Variants in BCOR observed in about 807,000 individuals in gnomAD.
BCOR encodes BCL-6 corepressor.
BCOR carries 10 observed loss-of-function variants against 86.7 expected under a neutral mutation model. The ratio of observed to expected loss-of-function variants is 0.12; its 90% CI spans 0.07 to 0.20. BCOR has a LOEUF of 0.20. Ranked by LOEUF, BCOR falls within the 10% of genes least tolerant of loss-of-function variation. The pLI, the probability that BCOR is intolerant of heterozygous loss-of-function variation, is 1.00. For missense variants in BCOR, 1,259 were observed against 1,452.1 expected (o/e 0.87, Z 2.16); for synonymous variants, 611 against 609.0 (o/e 1.00, Z -0.05).
chrX:40,097,806 G>A lies in BCOR; in HGVS notation c.-632C>T, dbSNP rs1257360175. On this transcript the variant is annotated 5_prime_UTR_variant, in exon 1 of 15. Coordinates refer to ENST00000378444, the MANE Select transcript of BCOR (RefSeq NM_001123385.2). The stretch of plus-strand genomic sequence containing the variant: ...TGGGCTCTCCGCCCGGCGGCTCGCG[G>A]GCTCCCCCTCCGCCGCCGCCGCCCG... Among the ~76,000 whole-genome samples, 2 of 109,547 alleles carry A rather than the reference G, an allele frequency of 1.8e-5. No homozygotes were observed. The highest frequency in any genetic ancestry group is 6.6e-5 in the African/African-American group (2 of 30,341).
rs1258593967 is a variant in BCOR at position 40,064,382 on chromosome X, C to A, written c.3456G>T (p.Val1152=). The A allele has an allele frequency of 8.2e-7, 1 of 1,212,351 alleles. No homozygotes were observed. The highest frequency in any genetic ancestry group is 1.8e-5 in the South Asian group (1 of 57,051). The change falls in exon 7 of 15, where the codon GTG becomes GTT. Residue 1152 remains valine, a synonymous_variant. Transcript: ENST00000378444. The part of the protein sequence containing the change: ...SSHTETTAEE[V]PEDPLLKAKR... Reference sequence around the variant, plus strand: ...TGGCTTTCAGCAGAGGGTCCTCTGGCACCTCCTCCGCAGTGGTCTCAGTGT... The same window carrying A: ...TGGCTTTCAGCAGAGGGTCCTCTGGAACCTCCTCCGCAGTGGTCTCAGTGT...
chrX:40,145,527 C>A (rs1240323586), intron 1 of BCOR, among the ~76,000 whole-genome samples: 1 of 111,111 alleles, frequency 9.0e-6, no homozygotes, highest in Non-Finnish European at 1.9e-5. Flanking sequence ...CCGTTCAGGT[C>A]CACGTGTGAC....
intron 1 of BCOR, among the ~76,000 whole-genome samples, chrX:40,110,009 C>T (rs1937274084): frequency 8.9e-6 from 1 of 112,251 alleles, no homozygotes; most frequent in African/African-American, 3.2e-5. Flanking sequence ...TTTGTGTGTT[C>T]TCTCTCTCTT....
chrX:40,052,170 A>G lies in BCOR; in HGVS notation c.5207T>C (p.Leu1736Pro). The G allele has an allele frequency of 8.3e-7, 1 of 1,209,239 alleles. No homozygotes were observed. Among genetic ancestry groups the G allele is most frequent in the Non-Finnish European group, 1.1e-6 (1 of 894,094 alleles). The change falls in exon 15 of 15, where the codon CTG (leucine) becomes CCG (proline). Residue 1736 changes from leucine to proline, a missense_variant. This residue lies in a region of BCOR where 137 missense variants were observed against 149.8 expected (regional missense o/e 0.91). Coordinates refer to ENST00000378444, the MANE Select transcript of BCOR (RefSeq NM_001123385.2). ...LVEFTNEIQT[L>P]LGSSVEWLHP... ...GAGCCACTCTACAGAGGAGCCCAGC[A>G]GAGTCTGAATTTCGTTCGTGAATTC... is the stretch of plus-strand genomic sequence containing the variant.
At chrX:40,116,244 T>A (rs1390098973) in intron 1 of BCOR, among the ~76,000 whole-genome samples, 1 of 112,140 alleles carries the variant, frequency 8.9e-6, no homozygotes, top group African/African-American at 3.2e-5. Flanking sequence ...ACGCCTGTAA[T>A]CCCAGTGCTT....
chrX:40,102,563 G>A (rs1161894342), upstream of BCOR, among the ~76,000 whole-genome samples: 1 of 113,972 alleles, frequency 8.8e-6, no homozygotes, highest in Non-Finnish European at 1.9e-5. Flanking sequence ...TTACCCGGCT[G>A]GGGGCAGTGA....
At chrX:40,064,212 G>T in intron 7 of BCOR, 124 bp downstream of exon 7, 1 of 1,040,625 alleles carries the variant, frequency 9.6e-7, no homozygotes, top group Non-Finnish European at 1.3e-6. Context: ...GCGCCCCCAC[G>T]GCTTCCCCTC....
chrX:40,079,296 T>A (rs892308673), intron 1 of BCOR, among the ~76,000 whole-genome samples: 2 of 112,402 alleles, frequency 1.8e-5, no homozygotes, highest in African/African-American at 6.5e-5. Flanking sequence ...TGCAAATGCT[T>A]GCTTTTACAC....
At position 40,113,256 on chromosome X, in the gene BCOR, G is replaced by A. The variant is rs555838997; in HGVS notation, c.-40-35287C>T. Reference sequence around the variant, plus strand: ...GACCTCATCTCCACTTAAAAAAAAAGAGTAGTCAAGTGTGGTGGTGCACGC... The same window carrying A: ...GACCTCATCTCCACTTAAAAAAAAAAAGTAGTCAAGTGTGGTGGTGCACGC... On this transcript the variant is annotated intron_variant, in intron 1 of 14. Coordinates refer to the BCOR transcript ENST00000342274. Among the ~76,000 whole-genome samples, 3 of 106,200 alleles carry A rather than the reference G, an allele frequency of 2.8e-5. No homozygotes were observed. In the South Asian group the frequency reaches 1.3e-3, roughly 45 times the overall value. 92.2% of individuals were successfully genotyped at this position (106,200 alleles called of 115,157 possible). A position where few individuals can be genotyped will look rare whatever the true frequency, so the allele number is the denominator to read the frequency against.
chrX:40,104,726 T>G (rs918626910), intron 1 of BCOR, among the ~76,000 whole-genome samples: 1 of 112,913 alleles, frequency 8.9e-6, no homozygotes, highest in Non-Finnish European at 1.9e-5. Context: ...GCGGACGGAT[T>G]GTCCCTGGGG....
At chrX:40,165,511 C>T (rs1938494360) in intron 1 of BCOR, among the ~76,000 whole-genome samples, 1 of 112,161 alleles carries the variant, frequency 8.9e-6, no homozygotes, top group Admixed American at 9.4e-5. Context: ...TAGGACCTGC[C>T]CCTTCCCCAG....
intron 1 of BCOR, among the ~76,000 whole-genome samples, chrX:40,156,845 C>T (rs1602273139): frequency 8.8e-6 from 1 of 113,770 alleles, no homozygotes; most frequent in East Asian, 2.8e-4. Context: ...GCCTGCTGCT[C>T]GAAGCCGCTG....
intron 2 of BCOR, 74 bp downstream of exon 2, chrX:40,077,770 G>T: frequency 1.0e-6 from 1 of 983,646 alleles, no homozygotes; most frequent in Non-Finnish European, 1.4e-6. Flanking sequence ...GCCCACGGTG[G>T]CTGTGAGAAG....
chrX:40,125,342 T>A (rs780854920), intron 1 of BCOR, among the ~76,000 whole-genome samples: 3 of 111,722 alleles, frequency 2.7e-5, no homozygotes, highest in Admixed American at 1.9e-4. Context: ...CAAGTGATTC[T>A]CCCGCCTCAG....
At chrX:40,166,209 T>C (rs1938505652) in intron 1 of BCOR, among the ~76,000 whole-genome samples, 1 of 111,821 alleles carries the variant, frequency 8.9e-6, no homozygotes, top group Non-Finnish European at 1.9e-5. Context: ...GGGCCGGGCC[T>C]GCAAAGGTGA....
intron 1 of BCOR, among the ~76,000 whole-genome samples, chrX:40,092,671 C>G (rs1936675138): frequency 9.0e-6 from 1 of 110,972 alleles, no homozygotes; most frequent in African/African-American, 3.3e-5. Flanking sequence ...AGGTCAGGAA[C>G]TCAAAATCTC....
chrX:40,152,732 G>C lies in BCOR; in HGVS notation c.-41+24275C>G, dbSNP rs113890569. 7.4e-4 allele frequency among the ~76,000 whole-genome samples: 84 copies of C among 112,933 alleles called. 1 individual carries two copies. The highest frequency in any genetic ancestry group is 2.6e-3 in the African/African-American group (81 of 31,160). On this transcript the variant is annotated intron_variant, in intron 1 of 14. Transcript: ENST00000342274. ...TGCGGGGTGCTGCGGGGAGGGGAGGGAGTCAGCGCCTGCCCCCTCCTCACT... is the reference window on the plus strand; with the variant it reads ...TGCGGGGTGCTGCGGGGAGGGGAGGCAGTCAGCGCCTGCCCCCTCCTCACT...
chrX:40,160,659 CTTTTTTTT>C (rs145716696), intron 1 of BCOR, among the ~76,000 whole-genome samples: 1 of 81,288 alleles, frequency 1.2e-5, no homozygotes. Context: ...TGATCCTCTA[CTTTTTTTT>C]TTTTTTTTTT....
At chrX:40,055,616 C>T in intron 11 of BCOR, 103 bp from the exon 12 acceptor site, 1 of 961,050 alleles carries the variant, frequency 1.0e-6, no homozygotes, top group African/African-American at 1.9e-5. Context: ...CACATGTGCA[C>T]CTTGGGTACT....
Sources: allele counts gnomAD v4.1 joint callset (sites outside exome capture counted in the v4.1 genomes callset), GRCh38; gene constraint gnomAD v4.1.1; regional missense constraint gnomAD v4.1.1; transcripts MANE v1.5; gene names NCBI Gene and HGNC (gene_info 2026-07-23, HGNC 2026-07-21).